EFR3B: variants seen among roughly 807,000 people sequenced by gnomAD.
EFR3B encodes the protein EFR3 homolog B.
In EFR3B, 64 loss-of-function variants were observed where a neutral mutation model predicts 104.7. The observed-to-expected ratio is 0.61, with a 90% CI of 0.50 to 0.75. The LOEUF (loss-of-function observed/expected upper bound fraction) is 0.75. Ranked by LOEUF, EFR3B falls within the 30% of genes least tolerant of loss-of-function variation. EFR3B has a pLI of 0.00. For synonymous variants in EFR3B, 385 were observed against 417.9 expected (o/e 0.92, Z 0.96); for missense variants, 750 against 1,078.5 (o/e 0.70, Z 4.27).
Position 25,135,316 on chromosome 2 carries a change from G to T in EFR3B, c.1312-151G>T, listed in dbSNP as rs551892240. The T allele has an allele frequency of 8.9e-5, 75 of 846,070 alleles. 1 individual carries two copies. In the African/African-American group the frequency reaches 1.2e-3, roughly 13 times the overall value. The allele number at this position is 846,070 out of a possible 1,614,324, so 52.4% of individuals were successfully genotyped here. ...TGGATGTTGGAGTGTTCAAAGAGTTGCCTGGGCTGTAGGGTAGGGGAGGCT... is the reference window on the plus strand; with the variant it reads ...TGGATGTTGGAGTGTTCAAAGAGTTTCCTGGGCTGTAGGGTAGGGGAGGCT... On this transcript the variant is annotated intron_variant, in intron 12 of 22. Coordinates refer to ENST00000403714, the MANE Select transcript of EFR3B (RefSeq NM_014971.2).
rs576680095 is a variant in EFR3B, at chr2:25,091,408, C to T, written c.84+7C>T. ...CTTCCCTGAGGATCCCGAGGTGGGT[C>T]ATGTCTCTGGCAGGCATCGTGGCTC... is the stretch of plus-strand genomic sequence containing the variant. On this transcript the variant is annotated splice_region_variant and intron_variant, in intron 2 of 22. Coordinates refer to ENST00000403714, the MANE Select transcript of EFR3B (RefSeq NM_014971.2). 47 of 1,547,960 alleles carry T rather than the reference C, an allele frequency of 3.0e-5. No individual in the cohort carries two copies. The highest frequency in any genetic ancestry group is 8.7e-7 in the Non-Finnish European group (1 of 1,145,582).
chr2:25,107,609 T>A (rs1669601491), intron 4 of EFR3B, among the ~76,000 whole-genome samples: 1 of 151,998 alleles, frequency 6.6e-6, no homozygotes, highest in Non-Finnish European at 1.5e-5. Flanking sequence ...TTCCCTCCTT[T>A]CCTTCTTTTA....
intron 1 of EFR3B, among the ~76,000 whole-genome samples, chr2:25,046,846 GCTC>G (rs572262895): frequency 1.8e-4 from 28 of 152,230 alleles, no homozygotes; most frequent in Non-Finnish European, 3.5e-4. Flanking sequence ...TAGACTCCCT[GCTC>G]CTCCTCAGGG....
chr2:25,071,382 T>G (rs1668492770), intron 1 of EFR3B, among the ~76,000 whole-genome samples: 1 of 151,698 alleles, frequency 6.6e-6, no homozygotes. Flanking sequence ...TGCCTCGGCC[T>G]CCTGAGTAGC....
chr2:25,068,376 A>G (rs1480102376), intron 1 of EFR3B, among the ~76,000 whole-genome samples: 3 of 152,196 alleles, frequency 2.0e-5, no homozygotes, highest in Non-Finnish European at 4.4e-5. Context: ...AACAATTTGA[A>G]GCTGACAGAC....
intron 1 of EFR3B, among the ~76,000 whole-genome samples, chr2:25,070,189 C>A (rs547795021): frequency 6.6e-6 from 1 of 152,302 alleles, no homozygotes; most frequent in South Asian, 2.1e-4. Flanking sequence ...AGCCCCACCC[C>A]CAGAGTCGAG....
In EFR3B at chr2:25,137,242, C is replaced by A; in HGVS notation, c.1561-99C>A. The A allele has an allele frequency of 1.5e-6, 2 of 1,367,116 alleles. No individual in the cohort carries two copies. The highest frequency in any genetic ancestry group is 2.0e-6 in the Non-Finnish European group (2 of 1,003,130). The allele number at this position is 1,367,116 out of a possible 1,614,324, so 84.7% of individuals were successfully genotyped here. A position where few individuals can be genotyped will look rare whatever the true frequency, so the allele number is the denominator to read the frequency against. ...CCCCAAGGGAGGAGGGGGCACACAG[C>A]CATCCTGCCCCCCTTCAGATTGGTC... On this transcript the variant is annotated intron_variant, in intron 14 of 22. Transcript: ENST00000403714. This position sits in a 1 kb window ranked among gnomAD's most constrained non-coding sequence, Gnocchi z 4.7.
intron 4 of EFR3B, among the ~76,000 whole-genome samples, chr2:25,120,181 G>T (rs561005967): frequency 6.7e-6 from 1 of 148,998 alleles, no homozygotes; most frequent in Non-Finnish European, 1.5e-5. Context: ...ATGGTGAAAC[G>T]CTGTCTCTAC....
At chr2:25,083,429 A>G (rs1426458260) in intron 1 of EFR3B, among the ~76,000 whole-genome samples, 1 of 152,244 alleles carries the variant, frequency 6.6e-6, no homozygotes. Context: ...AGAAATATAT[A>G]AAAACATTAC....
chr2:25,144,128 A>C (rs1350817689), intron 18 of EFR3B, among the ~76,000 whole-genome samples: 1 of 152,190 alleles, frequency 6.6e-6, no homozygotes, highest in Non-Finnish European at 1.5e-5. Flanking sequence ...GAAAGAGCAT[A>C]TATGGCTATG....
chr2:25,088,756 G>A (rs1416794556), intron 1 of EFR3B, among the ~76,000 whole-genome samples: 1 of 152,148 alleles, frequency 6.6e-6, no homozygotes, highest in Non-Finnish European at 1.5e-5. Flanking sequence ...TTTAGGAAGT[G>A]GCAGTGCCAG....
At position 25,137,848 on chromosome 2, in the gene EFR3B, T is replaced by A. The variant is rs977415381; in HGVS notation, c.1722+346T>A. ...AAGGATGCTCATAAGCCCTGAGTGA[T>A]CCCAGACAAACTCATTTGTCTAAAG... On this transcript the variant is annotated intron_variant, in intron 15 of 22. Coordinates refer to ENST00000403714, the MANE Select transcript of EFR3B (RefSeq NM_014971.2). The surrounding 1 kb of genome is among the most constrained non-coding windows in gnomAD (Gnocchi z 4.7). Among the ~76,000 whole-genome samples, 5 of 152,178 alleles carry A rather than the reference T, an allele frequency of 3.3e-5. No homozygotes were observed. Among genetic ancestry groups the A allele is most frequent in the African/African-American group, 1.2e-4 (5 of 41,440 alleles).
At chr2:25,104,991 C>A (rs1054190544) in intron 4 of EFR3B, among the ~76,000 whole-genome samples, 1 of 152,182 alleles carries the variant, frequency 6.6e-6, no homozygotes, top group African/African-American at 2.4e-5. Context: ...ATCTTGCTGT[C>A]TCTCCCATTC....
At chr2:25,094,145 C>T (rs1414453867) in intron 3 of EFR3B, among the ~76,000 whole-genome samples, 5 of 151,648 alleles carry the variant, frequency 3.3e-5, no homozygotes, top group African/African-American at 2.4e-5. Context: ...ATAAGCTGGG[C>T]GTGGTGGTAT....
At position 25,154,431 on chromosome 2, in the gene EFR3B, C is replaced by T; in HGVS notation, c.*91C>T. ...GACCACATGGAGATCTGGCTGTGAT[C>T]TCTGAGAAAACATCACCTTAGATGG... On this transcript the variant is annotated 3_prime_UTR_variant, in exon 23 of 23. Coordinates refer to ENST00000403714, the MANE Select transcript of EFR3B (RefSeq NM_014971.2). The surrounding 1 kb of genome is among the most constrained non-coding windows in gnomAD (Gnocchi z 4.1). 1 of 1,216,080 alleles carries T rather than the reference C, an allele frequency of 8.2e-7. No homozygotes were observed. 75.3% of individuals were successfully genotyped at this position (1,216,080 alleles called of 1,614,324 possible). A position where few individuals can be genotyped will look rare whatever the true frequency, so the allele number is the denominator to read the frequency against.
intron 1 of EFR3B, among the ~76,000 whole-genome samples, chr2:25,046,750 G>A (rs1410529194): frequency 5.9e-5 from 9 of 151,952 alleles, no homozygotes; most frequent in East Asian, 1.9e-4. Context: ...TGATCCGCCC[G>A]CCTCGGCCTC....
At chr2:25,110,283 C>A (rs189724303) in intron 4 of EFR3B, among the ~76,000 whole-genome samples, 1 of 152,174 alleles carries the variant, frequency 6.6e-6, no homozygotes, top group African/African-American at 2.4e-5. Flanking sequence ...ACCCTAATGC[C>A]CCCACCTCAG....
intron 1 of EFR3B, among the ~76,000 whole-genome samples, chr2:25,083,701 A>T (rs1190214706): frequency 6.6e-6 from 1 of 152,190 alleles, no homozygotes; most frequent in African/African-American, 2.4e-5. Context: ...CTACCCAGGA[A>T]GTGTGGAGTA....
intron 1 of EFR3B, among the ~76,000 whole-genome samples, chr2:25,085,765 A>G (rs1668935104): frequency 6.6e-6 from 1 of 151,708 alleles, no homozygotes; most frequent in Non-Finnish European, 1.5e-5. Context: ...GCGCCTGACC[A>G]AAATGAGGGT....
Sources: gnomAD v4.1 joint callset for allele counts (sites outside exome capture counted in the v4.1 genomes callset) on GRCh38, gnomAD v4.1.1 for gene constraint, Gnocchi (gnomAD v3.1) non-coding constraint, MANE v1.5 for transcripts, NCBI Gene and HGNC (gene_info 2026-07-23, HGNC 2026-07-21) for gene names.